The following CDH13 variants were observed in gnomAD, a reference collection of about 807,000 sequenced individuals.
CDH13 encodes the protein cadherin 13, also known as cadherin-13.
In CDH13, 24 loss-of-function variants were observed where a neutral mutation model predicts 63.8. The observed-to-expected ratio is 0.38, with a 90% CI of 0.27 to 0.53. The LOEUF is 0.53. Among genes scored for constraint, CDH13 ranks in the 20% least tolerant of loss-of-function variants. CDH13 has a pLI of 0.85. For synonymous variants in CDH13, 503 were observed against 355.3 expected (o/e 1.42, Z -4.67); for missense variants, 1,049 against 903.1 (o/e 1.16, Z -2.07).
chr16:82,735,158 G>C (rs748088539), intron 1 of CDH13, among the ~76,000 whole-genome samples: 18 of 152,156 alleles, frequency 1.2e-4, no homozygotes, highest in Non-Finnish European at 2.2e-4. Context: ...AAGGGGAAAG[G>C]CTTCAAAGAT....
chr16:82,738,848 G>A (rs1472998006), intron 1 of CDH13, among the ~76,000 whole-genome samples: 5 of 152,122 alleles, frequency 3.3e-5, no homozygotes, highest in Admixed American at 2.6e-4. Flanking sequence ...TGTTATTCAT[G>A]AACATGTCTT....
At chr16:83,018,469 A>G (rs560497469) in intron 2 of CDH13, among the ~76,000 whole-genome samples, 12 of 152,324 alleles carry the variant, frequency 7.9e-5, no homozygotes, top group Admixed American at 1.3e-4. Context: ...ACATCATTCA[A>G]TGCTGGAATT....
chr16:82,866,594 T>C (rs1204973379), intron 2 of CDH13, among the ~76,000 whole-genome samples: 29 of 152,004 alleles, frequency 1.9e-4, no homozygotes, highest in Admixed American at 1.8e-3. Flanking sequence ...TTAACCATGC[T>C]GGCCAGACTG....
At chr16:83,202,147 C>G (rs904670308) in intron 4 of CDH13, among the ~76,000 whole-genome samples, 6 of 152,280 alleles carry the variant, frequency 3.9e-5, no homozygotes, top group Admixed American at 1.3e-4. Flanking sequence ...GGTCCTCAGT[C>G]TCTCCCTGTC....
At chr16:83,135,103 C>G (rs1228006410) in intron 4 of CDH13, among the ~76,000 whole-genome samples, 2 of 152,198 alleles carry the variant, frequency 1.3e-5, no homozygotes, top group Non-Finnish European at 2.9e-5. Flanking sequence ...TGTTCACTAC[C>G]TAATGAATGT....
intron 6 of CDH13, among the ~76,000 whole-genome samples, chr16:83,362,982 G>A (rs1485779671): frequency 6.6e-6 from 1 of 152,220 alleles, no homozygotes; most frequent in Non-Finnish European, 1.5e-5. Flanking sequence ...CTTACAGCAT[G>A]AGACAGTCCG....
chr16:83,277,645 T>C (rs1207565648), intron 5 of CDH13, among the ~76,000 whole-genome samples: 1 of 152,180 alleles, frequency 6.6e-6, no homozygotes. Context: ...CTTCCTGGTG[T>C]ACATCATTGA....
At chr16:83,241,199 G>A (rs1904411126) in intron 5 of CDH13, among the ~76,000 whole-genome samples, 1 of 152,122 alleles carries the variant, frequency 6.6e-6, no homozygotes, top group South Asian at 2.1e-4. Flanking sequence ...TTCATTGTGT[G>A]GATATACCAC....
intron 4 of CDH13, among the ~76,000 whole-genome samples, chr16:83,211,300 A>C (rs2039331141): frequency 6.6e-6 from 1 of 152,210 alleles, no homozygotes; most frequent in African/African-American, 2.4e-5. Context: ...AAATTGGATG[A>C]AGGGTACATG....
intron 6 of CDH13, among the ~76,000 whole-genome samples, chr16:83,392,502 C>G (rs1297356187): frequency 6.6e-6 from 1 of 152,060 alleles, no homozygotes; most frequent in Non-Finnish European, 1.5e-5. Context: ...GTAATGACTC[C>G]CCTGATAGAG....
intron 13 of CDH13, among the ~76,000 whole-genome samples, chr16:83,789,337 C>CTTTTTTTTTTT (rs148503283): frequency 3.8e-5 from 5 of 132,280 alleles, no homozygotes; most frequent in African/African-American, 8.9e-5. Flanking sequence ...TAGTAGCTTT[C>CTTTTTTTTTTT]TTTTTTTTTG....
chr16:83,031,345 G>A (rs1025898369), intron 2 of CDH13, among the ~76,000 whole-genome samples: 3 of 141,400 alleles, frequency 2.1e-5, no homozygotes, highest in Admixed American at 6.9e-5. Flanking sequence ...ATGTATACAC[G>A]TATATGGTAT....
chr16:83,392,757 C>T (rs1198686082), intron 6 of CDH13, among the ~76,000 whole-genome samples: 2 of 152,042 alleles, frequency 1.3e-5, no homozygotes, highest in Admixed American at 6.6e-5. Flanking sequence ...AGTGTCAGAG[C>T]TTCTGTAATT....
At chr16:83,748,037 C>A in intron 10 of CDH13, 71 bp from the exon 11 acceptor site, 1 of 1,538,374 alleles carries the variant, frequency 6.5e-7, no homozygotes, top group South Asian at 1.1e-5. Flanking sequence ...GGAGCTCATG[C>A]CCTGCACTCT....
rs148238330 is a variant in CDH13, at chr16:83,360,047, C to G, written c.781+15041C>G. Reference sequence around the variant, plus strand: ...GTACATAGTACGTGATCCTTTCTGCCTGGTTTATTTTACTTAGCGTGTTGT... The same window carrying G: ...GTACATAGTACGTGATCCTTTCTGCGTGGTTTATTTTACTTAGCGTGTTGT... On this transcript the variant is annotated intron_variant, in intron 6 of 13. Coordinates refer to ENST00000567109, the MANE Select transcript of CDH13 (RefSeq NM_001257.5). Among the ~76,000 whole-genome samples the G allele has an allele frequency of 1.3e-3, 199 of 152,316 alleles. 1 individual carries two copies. Among genetic ancestry groups the G allele is most frequent in the African/African-American group, 4.6e-3 (192 of 41,574 alleles).
intron 6 of CDH13, among the ~76,000 whole-genome samples, chr16:83,465,092 C>T (rs1211541236): frequency 6.6e-6 from 1 of 152,158 alleles, no homozygotes; most frequent in Non-Finnish European, 1.5e-5. Flanking sequence ...CAGACAAAGT[C>T]CCCCCATCAC....
At chr16:82,630,196 A>G (rs1418884697) in intron 1 of CDH13, among the ~76,000 whole-genome samples, 1 of 152,174 alleles carries the variant, frequency 6.6e-6, no homozygotes, top group Non-Finnish European at 1.5e-5. Flanking sequence ...GGATGAGGAA[A>G]AGGACACAGG....
intron 1 of CDH13, among the ~76,000 whole-genome samples, chr16:82,804,184 C>CTCCAGCCTGGTGACTGAGTGAGCTGA (rs372897266): frequency 6.6e-6 from 1 of 150,948 alleles, no homozygotes; most frequent in Non-Finnish European, 1.5e-5. Flanking sequence ...GCTGAGATCA[C>CTCCAGCCTGGTGACTGAGTGAGCTGA]GCTACTGCAC....
intron 1 of CDH13, among the ~76,000 whole-genome samples, chr16:82,845,640 C>G (rs286668): frequency 0.27 from 40,355 of 152,146 alleles, 5,688 homozygotes; most frequent in Middle Eastern, 0.33. Flanking sequence ...GGTAGGCATT[C>G]ATTATTTTCT....
Sources: allele counts gnomAD v4.1 joint callset (sites outside exome capture counted in the v4.1 genomes callset), GRCh38; gene constraint gnomAD v4.1.1; transcripts MANE v1.5; gene names NCBI Gene and HGNC (gene_info 2026-07-23, HGNC 2026-07-21).